The following DNAH12 variants were observed in gnomAD, a reference collection of about 807,000 sequenced individuals.
DNAH12 encodes axonemal beta dynein heavy chain 12.
DNAH12 carries 285 observed loss-of-function variants against 371.5 expected under a neutral mutation model. The observed-to-expected ratio is 0.77, with a 90% CI of 0.70 to 0.85. The LOEUF (loss-of-function observed/expected upper bound fraction) is 0.85, where lower values mean the gene tolerates loss of function less well. DNAH12 is among the 40% of genes least tolerant of loss of function. The pLI, the probability that DNAH12 is intolerant of heterozygous loss-of-function variation, is 0.00. For missense variants in DNAH12, 3,611 were observed against 3,689.4 expected, an observed-to-expected ratio of 0.98 and a Z score of 0.55; for synonymous variants, 1,200 against 1,213.0, an observed-to-expected ratio of 0.99 and a Z score of 0.22.
intron 62 of DNAH12, among the ~76,000 whole-genome samples, chr3:57,324,130 A>G (rs1205106034): frequency 6.6e-6 from 1 of 152,166 alleles, no homozygotes; most frequent in East Asian, 1.9e-4. Context: ...CATTTTGCTG[A>G]TGAGGACCAC....
In DNAH12 at chr3:57,485,881, C is replaced by T. The variant is rs146521211; in HGVS notation, c.1515-2370G>A. ...AAAGACTACATATTGGTACAGTGTA[C>T]ACTACTTGAGTGATGGGTACACTAA... is the stretch of plus-strand genomic sequence containing the variant. On this transcript the variant is annotated intron_variant, in intron 12 of 73. Transcript: ENST00000495027. Among the ~76,000 whole-genome samples, 1,051 of 152,094 alleles carry T rather than the reference C, an allele frequency of 6.9e-3. 8 individuals are homozygous for T. The highest frequency in any genetic ancestry group is 0.022 in the African/African-American group (927 of 41,466).
intron 60 of DNAH12, among the ~76,000 whole-genome samples, chr3:57,346,449 A>G (rs954286881): frequency 6.6e-6 from 1 of 152,182 alleles, no homozygotes; most frequent in East Asian, 1.9e-4. Flanking sequence ...AAAAGTAAGT[A>G]TAATTGATCT....
intron 43 of DNAH12, chr3:57,402,437 A>C: frequency 7.7e-7 from 1 of 1,304,920 alleles, no homozygotes; most frequent in Non-Finnish European, 1.0e-6. Context: ...GCTCTAAAGA[A>C]ACTATTAAGA....
intron 60 of DNAH12, among the ~76,000 whole-genome samples, chr3:57,341,456 G>T (rs1014959337): frequency 2.3e-4 from 35 of 152,004 alleles, no homozygotes; most frequent in Middle Eastern, 3.4e-3. Context: ...TAAGAACAAT[G>T]AACTAGCTGG....
At chr3:57,506,028 G>C (rs1021310037) in intron 8 of DNAH12, among the ~76,000 whole-genome samples, 1 of 152,128 alleles carries the variant, frequency 6.6e-6, no homozygotes, top group East Asian at 1.9e-4. Context: ...TTACAGGCGT[G>C]AGCCACCACA....
chr3:57,452,771 CAA>C (rs1427826665), intron 25 of DNAH12, 70 bp downstream of exon 25: 8 of 1,372,412 alleles, frequency 5.8e-6, no homozygotes, highest in African/African-American at 3.0e-5. Flanking sequence ...CCAGGTAAGA[CAA>C]GAGAGAAAAG....
chr3:57,413,672 A>G, intron 39 of DNAH12, 74 bp downstream of exon 39: 1 of 1,420,894 alleles, frequency 7.0e-7, no homozygotes. Flanking sequence ...TGAAAAATGT[A>G]TTATTTTACT....
At chr3:57,325,027 C>T (rs1036278773) in intron 62 of DNAH12, among the ~76,000 whole-genome samples, 11 of 152,346 alleles carry the variant, frequency 7.2e-5, no homozygotes, top group South Asian at 2.1e-4. Context: ...AAGGGGCGCC[C>T]GCCATTGCCC....
intron 65 of DNAH12, among the ~76,000 whole-genome samples, chr3:57,317,929 T>A (rs2061722261): frequency 6.6e-6 from 1 of 152,182 alleles, no homozygotes; most frequent in South Asian, 2.1e-4. Context: ...ACATTGAGCA[T>A]TTTTTCATAT....
chr3:57,500,766 CT>C (rs1002482729), intron 11 of DNAH12, among the ~76,000 whole-genome samples: 4 of 151,694 alleles, frequency 2.6e-5, no homozygotes, highest in East Asian at 1.9e-4. Context: ...GTGCTTATGC[CT>C]TTTTTTTAAG....
intron 17 of DNAH12, among the ~76,000 whole-genome samples, chr3:57,466,144 T>C (rs1325747249): frequency 6.6e-6 from 1 of 151,948 alleles, no homozygotes; most frequent in African/African-American, 2.4e-5. Flanking sequence ...AAGCTCCCTA[T>C]ATACAAGAAG....
At chr3:57,513,615 A>T (rs992612575) in intron 4 of DNAH12, among the ~76,000 whole-genome samples, 25 of 152,232 alleles carry the variant, frequency 1.6e-4, no homozygotes, top group African/African-American at 6.0e-4. Context: ...TAACATCAAA[A>T]CTACAACAGA....
intron 35 of DNAH12, among the ~76,000 whole-genome samples, chr3:57,422,862 A>G (rs1212300090): frequency 6.6e-6 from 1 of 152,212 alleles, no homozygotes; most frequent in Non-Finnish European, 1.5e-5. Context: ...ATACACTGAA[A>G]TACATGCAGC....
chr3:57,469,830 G>C (rs2066316188), intron 16 of DNAH12, among the ~76,000 whole-genome samples: 1 of 152,084 alleles, frequency 6.6e-6, no homozygotes, highest in Admixed American at 6.5e-5. Flanking sequence ...GGAACTACTA[G>C]AGGTGGGAGA....
At chr3:57,435,347 G>C (rs540533380) in intron 30 of DNAH12, among the ~76,000 whole-genome samples, 2 of 131,734 alleles carry the variant, frequency 1.5e-5, no homozygotes, top group Non-Finnish European at 3.1e-5. Flanking sequence ...ATTCCAGCCT[G>C]GGTGATAGAC....
intron 17 of DNAH12, among the ~76,000 whole-genome samples, chr3:57,464,005 G>A (rs1489495633): frequency 6.6e-6 from 1 of 151,990 alleles, no homozygotes; most frequent in Non-Finnish European, 1.5e-5. Flanking sequence ...TTCCACATCT[G>A]CATTGCCCCT....
chr3:57,306,567 T>C (rs1240501411), intron 69 of DNAH12, among the ~76,000 whole-genome samples: 1 of 152,082 alleles, frequency 6.6e-6, no homozygotes, highest in Non-Finnish European at 1.5e-5. Flanking sequence ...TCTCCCCACC[T>C]TAACCCACAA....
At chr3:57,446,846 T>C (rs560039479) in intron 25 of DNAH12, among the ~76,000 whole-genome samples, 157 bp from the exon 26 acceptor site, 3 of 152,226 alleles carry the variant, frequency 2.0e-5, no homozygotes, top group Admixed American at 6.5e-5. Context: ...TCTAGCTGCA[T>C]GAAGAGAAAG....
intron 58 of DNAH12, among the ~76,000 whole-genome samples, chr3:57,361,444 C>CTATATATATATACACACACACACTATA (rs2062930385): frequency 8.6e-6 from 1 of 116,700 alleles, no homozygotes; most frequent in African/African-American, 4.2e-5. Flanking sequence ...CACACACACA[C>CTATATATATATACACACACACACTATA]TATATATATA....
Sources: gnomAD v4.1 joint callset for allele counts (sites outside exome capture counted in the v4.1 genomes callset) on GRCh38, gnomAD v4.1.1 for gene constraint, MANE v1.5 for transcripts, NCBI Gene and HGNC (gene_info 2026-07-23, HGNC 2026-07-21) for gene names.